CFAP47: variants seen among roughly 807,000 people sequenced by gnomAD.
CFAP47 encodes the protein cilia- and flagella-associated protein 47.
CFAP47 carries 29 observed loss-of-function variants against 148.1 expected under a neutral mutation model. The ratio of observed to expected loss-of-function variants is 0.20; its 90% CI spans 0.15 to 0.27. The LOEUF (loss-of-function observed/expected upper bound fraction) is 0.27, where lower values mean the gene tolerates loss of function less well. Ranked by LOEUF, CFAP47 falls within the 10% of genes least tolerant of loss-of-function variation. The pLI, the probability that CFAP47 is intolerant of heterozygous loss-of-function variation, is 1.00. For synonymous variants in CFAP47, 664 were observed against 577.3 expected, an observed-to-expected ratio of 1.15 and a Z score of -2.15; for missense variants, 1,872 against 1,697.5, an observed-to-expected ratio of 1.10 and a Z score of -1.81.
chrX:36,287,597 C>A (rs1941147308), intron 51 of CFAP47, among the ~76,000 whole-genome samples: 1 of 111,205 alleles, frequency 9.0e-6, no homozygotes, highest in African/African-American at 3.3e-5. Flanking sequence ...ATGACAGCTG[C>A]TAGATAGTTT....
chrX:36,122,069 T>G (rs923551400), intron 33 of CFAP47, among the ~76,000 whole-genome samples: 1 of 109,802 alleles, frequency 9.1e-6, no homozygotes, highest in African/African-American at 3.3e-5. Flanking sequence ...GAGCAAAAGG[T>G]TTTTTTTTGT....
Position 36,201,257 on chromosome X carries a change from T to G in CFAP47, c.6437-17T>G, listed in dbSNP as rs892964549. The G allele has an allele frequency of 1.4e-5, 4 of 295,669 alleles. No homozygotes were observed. The highest frequency in any genetic ancestry group is 8.2e-5 in the African/African-American group (3 of 36,437). The allele number at this position is 295,669 out of a possible 1,213,427, so 24.4% of individuals were successfully genotyped here. ...AAATGTTCATTGTATTCATTAATAT[T>G]TTTTTTCTTCCTCCAGGGCCTAATA... On this transcript the variant is annotated splice_polypyrimidine_tract_variant and intron_variant, in intron 43 of 63. Transcript: ENST00000378653.
rs765982814 is a variant in CFAP47 at position 36,126,101 on chromosome X, A to C, written c.5321-11857A>C. On this transcript the variant is annotated intron_variant, in intron 33 of 63. Coordinates refer to ENST00000378653, the MANE Select transcript of CFAP47 (RefSeq NM_001304548.2). Reference sequence around the variant, plus strand: ...AAATTATTATTATTATTATTATTTTATTATACTTTAAGTACTGGGGTACAT... The same window carrying C: ...AAATTATTATTATTATTATTATTTTCTTATACTTTAAGTACTGGGGTACAT... Among the ~76,000 whole-genome samples the C allele has an allele frequency of 1.4e-4, 14 of 103,019 alleles. No homozygotes were observed. The South Asian group carries it at 5.2e-3, about 38-fold the overall frequency. 89.5% of individuals were successfully genotyped at this position (103,019 alleles called of 115,157 possible).
At chrX:36,210,249 ACT>A (rs1202557529) in intron 45 of CFAP47, among the ~76,000 whole-genome samples, 1 of 111,817 alleles carries the variant, frequency 8.9e-6, no homozygotes, top group African/African-American at 3.2e-5. Context: ...CATATGGGTA[ACT>A]CTATGTTTAA....
intron 15 of CFAP47, among the ~76,000 whole-genome samples, chrX:35,976,863 C>T (rs1044099458): frequency 2.7e-5 from 3 of 111,011 alleles, no homozygotes; most frequent in African/African-American, 6.5e-5. Context: ...TTTGACGTGC[C>T]CTGTATTTGT....
intron 62 of CFAP47, among the ~76,000 whole-genome samples, chrX:36,373,393 A>G (rs1349490153): frequency 1.8e-5 from 2 of 111,121 alleles, no homozygotes; most frequent in African/African-American, 3.3e-5. Context: ...TCATCCATCA[A>G]TGTCAGTGTT....
chrX:36,167,556 G>T (rs1051365296), intron 39 of CFAP47, among the ~76,000 whole-genome samples: 9 of 111,274 alleles, frequency 8.1e-5, no homozygotes, highest in African/African-American at 2.9e-4. Flanking sequence ...TGGGTGCTGG[G>T]TAGAAGAAAA....
Position 35,954,237 on chromosome X carries a change from G to T in CFAP47, c.1174+518G>T, listed in dbSNP as rs769737118. Reference sequence around the variant, plus strand: ...TGCCTTATATGTTTTATATTCTCAGGTTATATTAGGTTGGTTATAGTGAGG... The same window carrying T: ...TGCCTTATATGTTTTATATTCTCAGTTTATATTAGGTTGGTTATAGTGAGG... On this transcript the variant is annotated intron_variant, in intron 7 of 63. Coordinates refer to ENST00000378653, the MANE Select transcript of CFAP47 (RefSeq NM_001304548.2). Among the ~76,000 whole-genome samples the T allele has an allele frequency of 8.1e-5, 9 of 110,795 alleles. No individual in the cohort carries two copies. In the East Asian group the frequency reaches 2.6e-3, roughly 31 times the overall value.
At chrX:35,998,442 C>A (rs901879572) in intron 19 of CFAP47, among the ~76,000 whole-genome samples, 1 of 111,251 alleles carries the variant, frequency 9.0e-6, no homozygotes, top group Non-Finnish European at 1.9e-5. Context: ...AAATCTTATA[C>A]CCTGGGAACA....
intron 49 of CFAP47, among the ~76,000 whole-genome samples, chrX:36,273,018 A>G (rs868955678): frequency 2.9e-4 from 32 of 111,311 alleles, no homozygotes; most frequent in African/African-American, 1.0e-3. Context: ...CCCTAAGCCC[A>G]GGTTCTTCAG....
chrX:36,234,849 T>C (rs966631579), intron 46 of CFAP47, among the ~76,000 whole-genome samples: 11 of 112,065 alleles, frequency 9.8e-5, no homozygotes, highest in Non-Finnish European at 2.1e-4. Flanking sequence ...GAGCCTCAGC[T>C]GCAGGTCTGT....
At chrX:36,290,124 A>G (rs1009216570) in intron 51 of CFAP47, among the ~76,000 whole-genome samples, 4 of 108,183 alleles carry the variant, frequency 3.7e-5, no homozygotes, top group South Asian at 4.0e-4. Flanking sequence ...AAAGTCATCT[A>G]TGCTGGCCAA....
intron 33 of CFAP47, among the ~76,000 whole-genome samples, chrX:36,134,377 A>C (rs1939003206): frequency 9.0e-6 from 1 of 111,543 alleles, no homozygotes; most frequent in Admixed American, 9.6e-5. Flanking sequence ...AGGCGGAAGA[A>C]ATTCTGAAAC....
intron 45 of CFAP47, among the ~76,000 whole-genome samples, chrX:36,227,784 A>G: frequency 8.9e-6 from 1 of 112,199 alleles, no homozygotes; most frequent in Non-Finnish European, 1.9e-5. Context: ...CTATTTAAAT[A>G]GTTTGGCATT....
chrX:36,173,749 G>C (rs902033193), intron 39 of CFAP47, among the ~76,000 whole-genome samples: 1 of 111,283 alleles, frequency 9.0e-6, no homozygotes, highest in Non-Finnish European at 1.9e-5. Flanking sequence ...ATAGGTGTTG[G>C]GTGGTGCTGA....
At chrX:36,207,499 A>C (rs1256234631) in intron 45 of CFAP47, among the ~76,000 whole-genome samples, 2 of 111,404 alleles carry the variant, frequency 1.8e-5, no homozygotes, top group African/African-American at 6.5e-5. Flanking sequence ...CTTTCCTCTC[A>C]CATTAATGTT....
rs782169430 is a variant in CFAP47 at position 36,371,752 on chromosome X, A to G, written c.9185+4625A>G. On this transcript the variant is annotated intron_variant, in intron 62 of 63. Coordinates refer to ENST00000378653, the MANE Select transcript of CFAP47 (RefSeq NM_001304548.2). ...CATGTGTGTATATATGTGTGTATAT[A>G]CACACATGTGTGTATATACACACAT... 7.2e-4 allele frequency among the ~76,000 whole-genome samples: 41 copies of G among 56,594 alleles called. 2 individuals carry two copies. Among genetic ancestry groups the G allele is most frequent in the Non-Finnish European group, 1.0e-3 (35 of 33,441 alleles). The allele number at this position is 56,594 out of a possible 115,157, so 49.1% of individuals were successfully genotyped here.
intron 47 of CFAP47, among the ~76,000 whole-genome samples, chrX:36,236,312 G>T (rs111656939): frequency 0.042 from 4,672 of 111,730 alleles, 234 homozygotes; most frequent in African/African-American, 0.14. Context: ...AATTAATTTT[G>T]TACAACATGC....
chrX:36,382,864 A>G (rs1336425691), intron 63 of CFAP47, among the ~76,000 whole-genome samples: 1 of 111,543 alleles, frequency 9.0e-6, no homozygotes, highest in Non-Finnish European at 1.9e-5. Flanking sequence ...TGGAAGTATT[A>G]ATGTATTCTT....
Sources: allele counts gnomAD v4.1 joint callset (sites outside exome capture counted in the v4.1 genomes callset), GRCh38; gene constraint gnomAD v4.1.1; transcripts MANE v1.5; gene names NCBI Gene and HGNC (gene_info 2026-07-23, HGNC 2026-07-21).